ROBO2: variants seen among roughly 807,000 people sequenced by gnomAD.
The protein encoded by ROBO2 is roundabout homolog 2.
Under a neutral mutation model 160.8 loss-of-function variants are expected in ROBO2, and 53 were observed. The ratio of observed to expected loss-of-function variants is 0.33; its 90% confidence interval spans 0.26 to 0.41. ROBO2 has a LOEUF of 0.41. Ranked by LOEUF, ROBO2 falls within the 10% of genes least tolerant of loss-of-function variation. The pLI is 1.00. For synonymous variants in ROBO2, 664 were observed against 611.7 expected, an observed-to-expected ratio of 1.09 and a Z score of -1.26; for missense variants, 1,577 against 1,722.4, an observed-to-expected ratio of 0.92 and a Z score of 1.49.
chr3:76,493,156 G>A (rs2079928348), intron 2 of ROBO2, among the ~76,000 whole-genome samples: 1 of 151,596 alleles, frequency 6.6e-6, no homozygotes, highest in Non-Finnish European at 1.5e-5. Context: ...GTATTTGACT[G>A]TTGCTGTCAA....
At chr3:77,277,230 G>GTCTTTCTTTCTT (rs55905700) in intron 2 of ROBO2, among the ~76,000 whole-genome samples, 31 of 96,856 alleles carry the variant, frequency 3.2e-4, no homozygotes, top group Middle Eastern at 9.5e-3. Flanking sequence ...TTTCTTTCTT[G>GTCTTTCTTTCTT]TCTTTCTTTC....
At chr3:76,427,983 T>C (rs1291450548) in intron 2 of ROBO2, among the ~76,000 whole-genome samples, 2 of 152,152 alleles carry the variant, frequency 1.3e-5, no homozygotes, top group Non-Finnish European at 2.9e-5. Context: ...AAAATATAGA[T>C]ACTATCAGGG....
intron 2 of ROBO2, among the ~76,000 whole-genome samples, chr3:77,003,336 G>A (rs776191625): frequency 2.6e-5 from 4 of 152,286 alleles, no homozygotes; most frequent in Non-Finnish European, 4.4e-5. Context: ...TTCTTTCAGA[G>A]GAATACTTTA....
intron 2 of ROBO2, among the ~76,000 whole-genome samples, chr3:76,214,565 C>T (rs570972620): frequency 1.3e-5 from 2 of 152,312 alleles, no homozygotes; most frequent in South Asian, 4.1e-4. Context: ...TCACTCATTG[C>T]TAGCACAGCA....
chr3:75,915,639 A>T (rs1576120818), intron 1 of ROBO2, among the ~76,000 whole-genome samples: 1 of 152,114 alleles, frequency 6.6e-6, no homozygotes, highest in Non-Finnish European at 1.5e-5. Flanking sequence ...GGGGCTTTCG[A>T]GCTGCATTCT....
intron 2 of ROBO2, among the ~76,000 whole-genome samples, chr3:76,382,106 C>T (rs1250660460): frequency 6.6e-6 from 1 of 152,072 alleles, no homozygotes; most frequent in Non-Finnish European, 1.5e-5. Flanking sequence ...GCTGGGACTA[C>T]AGGTGTGCAC....
At chr3:76,556,769 G>A (rs1172140795) in intron 2 of ROBO2, among the ~76,000 whole-genome samples, 2 of 152,178 alleles carry the variant, frequency 1.3e-5, no homozygotes, top group Non-Finnish European at 2.9e-5. Flanking sequence ...TGGAATGTGT[G>A]CCAATTCAAG....
chr3:77,402,896 C>T (rs2075935659), intron 2 of ROBO2, among the ~76,000 whole-genome samples: 1 of 152,046 alleles, frequency 6.6e-6, no homozygotes, highest in South Asian at 2.1e-4. Context: ...TTCATTCCTG[C>T]TCTAAAGGTT....
intron 2 of ROBO2, among the ~76,000 whole-genome samples, chr3:77,396,068 T>TAA (rs934799102): frequency 1.4e-5 from 2 of 144,628 alleles, no homozygotes; most frequent in African/African-American, 5.1e-5. Flanking sequence ...CCAAGAAACT[T>TAA]AAAAAAAAAA....
intron 2 of ROBO2, among the ~76,000 whole-genome samples, chr3:77,315,858 G>C (rs895220865): frequency 2.6e-5 from 4 of 151,888 alleles, no homozygotes; most frequent in African/African-American, 7.3e-5. Flanking sequence ...AAGAGCCAGG[G>C]TTTTTTGCTT....
At chr3:76,316,796 A>AT (rs1401887859) in intron 2 of ROBO2, among the ~76,000 whole-genome samples, 1 of 152,178 alleles carries the variant, frequency 6.6e-6, no homozygotes, top group African/African-American at 2.4e-5. Context: ...GAACTGATAA[A>AT]TGTCCATATT....
chr3:77,125,239 C>T (rs1328604769), intron 2 of ROBO2, among the ~76,000 whole-genome samples: 2 of 152,054 alleles, frequency 1.3e-5, no homozygotes, highest in Admixed American at 6.6e-5. Flanking sequence ...CTGTCTGCAC[C>T]ACGCCAATCA....
intron 2 of ROBO2, among the ~76,000 whole-genome samples, chr3:77,344,231 T>C (rs1309945981): frequency 1.3e-5 from 2 of 152,190 alleles, no homozygotes; most frequent in Admixed American, 6.5e-5. Flanking sequence ...GATCCAGGTA[T>C]ACAGAACAGC....
chr3:76,407,192 G>T (rs553033868), intron 2 of ROBO2, among the ~76,000 whole-genome samples: 45 of 151,596 alleles, frequency 3.0e-4, no homozygotes, highest in African/African-American at 1.0e-3. Flanking sequence ...TGATATTCAG[G>T]TCTCATTTTA....
Position 76,230,151 on chromosome 3 carries a change from A to G in ROBO2, c.109+292549A>G, listed in dbSNP as rs540487434. Among the ~76,000 whole-genome samples, 14 of 152,214 alleles carry G rather than the reference A, an allele frequency of 9.2e-5. No individual in the cohort carries two copies. The South Asian group carries it at 1.2e-3, about 14-fold the overall frequency. On this transcript the variant is annotated intron_variant, in intron 2 of 26. Coordinates refer to the ROBO2 transcript ENST00000487694. ...CTAATAACTTGATACCCACACATCT[A>G]TCTTGATACCACACATCCTTACATC...
chr3:77,296,466 C>T (rs1363027290), intron 2 of ROBO2, among the ~76,000 whole-genome samples: 5 of 152,172 alleles, frequency 3.3e-5, no homozygotes, highest in Non-Finnish European at 5.9e-5. Flanking sequence ...CACTGCTGCA[C>T]ATTGGACTTG....
At chr3:75,957,262 CACACAT>C (rs1385396042) in intron 2 of ROBO2, among the ~76,000 whole-genome samples, 2 of 150,886 alleles carry the variant, frequency 1.3e-5, no homozygotes, top group Admixed American at 6.7e-5. Context: ...CACACACACA[CACACAT>C]ACACACATTA....
chr3:76,585,873 T>C (rs1225977442), intron 2 of ROBO2, among the ~76,000 whole-genome samples: 1 of 152,192 alleles, frequency 6.6e-6, no homozygotes, highest in Admixed American at 6.5e-5. Flanking sequence ...TATACACATA[T>C]ATATCACAAA....
At chr3:75,946,586 T>C (rs1316583387) in intron 2 of ROBO2, among the ~76,000 whole-genome samples, 1 of 152,080 alleles carries the variant, frequency 6.6e-6, no homozygotes, top group Non-Finnish European at 1.5e-5. Context: ...TCAGATAATT[T>C]TTCTCTCTGA....
Sources: allele counts gnomAD v4.1 joint callset (sites outside exome capture counted in the v4.1 genomes callset), GRCh38; gene constraint gnomAD v4.1.1; transcripts MANE v1.5; gene names NCBI Gene and HGNC (gene_info 2026-07-23, HGNC 2026-07-21).